Variants in PCDH15 observed in about 807,000 individuals in gnomAD.
PCDH15 encodes protocadherin-15.
A neutral mutation model predicts 178.5 loss-of-function variants in PCDH15; 129 were observed. That is an observed-to-expected ratio of 0.72 (90% CI 0.63 to 0.84). PCDH15 has a LOEUF of 0.84. Ranked by LOEUF, PCDH15 falls within the 40% of genes least tolerant of loss-of-function variation. The pLI is 0.00. For synonymous variants in PCDH15, 800 were observed against 732.0 expected (o/e 1.09, Z -1.50); for missense variants, 2,230 against 2,099.9 (o/e 1.06, Z -1.21).
At chr10:55,133,905 C>T (rs569983331) in intron 2 of PCDH15, among the ~76,000 whole-genome samples, 5 of 152,200 alleles carry the variant, frequency 3.3e-5, no homozygotes, top group East Asian at 1.9e-4. Flanking sequence ...CCTATCCAAC[C>T]GGCATCATTA....
chr10:54,692,420 C>T (rs2095138484), intron 1 of PCDH15, among the ~76,000 whole-genome samples: 1 of 152,122 alleles, frequency 6.6e-6, no homozygotes, highest in Admixed American at 6.6e-5. Flanking sequence ...TTATCTTTTA[C>T]CTAAACTTTA....
intron 3 of PCDH15, among the ~76,000 whole-genome samples, chr10:54,494,128 C>T (rs867596453): frequency 1.3e-5 from 2 of 151,508 alleles, no homozygotes; most frequent in African/African-American, 4.9e-5. Flanking sequence ...GGAGATATAC[C>T]TAATGCTAAA....
Position 53,806,291 on chromosome 10 carries a change from T to A in PCDH15, c.*288A>T. ...ATATAAATGATTATTTAGTAATTATTTCTTGTTTATTAAAATGAACAAAAA... is the reference window on the plus strand; with the variant it reads ...ATATAAATGATTATTTAGTAATTATATCTTGTTTATTAAAATGAACAAAAA... On this transcript the variant is annotated 3_prime_UTR_variant, in exon 38 of 38. Coordinates refer to ENST00000644397, the MANE Select transcript of PCDH15 (RefSeq NM_001384140.1). The A allele has an allele frequency of 3.6e-6, 1 of 278,836 alleles. No individual in the cohort carries two copies. 17.3% of individuals were successfully genotyped at this position (278,836 alleles called of 1,614,324 possible).
chr10:55,370,284 T>C (rs1204268403), intron 2 of PCDH15, among the ~76,000 whole-genome samples: 1 of 152,064 alleles, frequency 6.6e-6, no homozygotes, highest in Non-Finnish European at 1.5e-5. Flanking sequence ...ACAGCATGCA[T>C]TGAACCAACC....
At chr10:54,183,025 A>G (rs2048142886) in intron 13 of PCDH15, among the ~76,000 whole-genome samples, 1 of 151,444 alleles carries the variant, frequency 6.6e-6, no homozygotes, top group African/African-American at 2.4e-5. Context: ...CTTGTTGCCC[A>G]GGCTGGAGTG....
rs186285949 is a variant in PCDH15 at position 54,362,106 on chromosome 10, G to A, written c.474+7014C>T. ...ATTTCATGGAAAACACTTAGAATTT[G>A]CTTGGCACACAATGCAATTAATAAA... is the stretch of plus-strand genomic sequence containing the variant. On this transcript the variant is annotated intron_variant, in intron 5 of 37. Transcript: ENST00000644397. 3.6e-3 allele frequency among the ~76,000 whole-genome samples: 548 copies of A among 152,130 alleles called. 2 individuals carry two copies. The highest frequency in any genetic ancestry group is 5.7e-3 in the Non-Finnish European group (388 of 67,940).
intron 3 of PCDH15, among the ~76,000 whole-genome samples, chr10:54,862,501 T>A (rs1379851479): frequency 3.3e-5 from 5 of 152,150 alleles, no homozygotes; most frequent in Admixed American, 3.3e-4. Flanking sequence ...ACAGCTTATA[T>A]GCGGCTTGTC....
chr10:54,021,846 C>T (rs1246087715), intron 19 of PCDH15, among the ~76,000 whole-genome samples: 2 of 151,790 alleles, frequency 1.3e-5, no homozygotes, highest in East Asian at 1.9e-4. Flanking sequence ...TTTGCATCCC[C>T]TAGGACAGCA....
At position 55,110,255 on chromosome 10, in the gene PCDH15, T is replaced by C. The variant is rs138461361; in HGVS notation, c.-80+56321A>G. Among the ~76,000 whole-genome samples, 29 of 152,148 alleles carry C rather than the reference T, an allele frequency of 1.9e-4. No homozygotes were observed. In the East Asian group the frequency reaches 5.4e-3, roughly 28 times the overall value. On this transcript the variant is annotated intron_variant, in intron 2 of 5. Coordinates refer to the PCDH15 transcript ENST00000458638. ...GTAAGTTCATTATACTTTCTAAGGA[T>C]ACAGAAATCACAACAGGGGTTTGTG...
chr10:53,856,631 C>T (rs1482139846), intron 28 of PCDH15, among the ~76,000 whole-genome samples: 1 of 152,158 alleles, frequency 6.6e-6, no homozygotes, highest in Middle Eastern at 3.4e-3. Flanking sequence ...TATGATTTCT[C>T]ATATGCAGCA....
intron 9 of PCDH15, among the ~76,000 whole-genome samples, chr10:54,225,836 T>C (rs565861320): frequency 1.3e-5 from 2 of 152,328 alleles, no homozygotes; most frequent in African/African-American, 4.8e-5. Flanking sequence ...AATACAAAAG[T>C]AAACTTAGCT....
At chr10:54,972,848 CAAAAAAAAAA>C (rs750356955) in intron 2 of PCDH15, among the ~76,000 whole-genome samples, 5 of 53,510 alleles carry the variant, frequency 9.3e-5, no homozygotes, top group Non-Finnish European at 1.7e-4. Context: ...GACTCCATCT[CAAAAAAAAAA>C]AAAAAAAAAA....
chr10:55,188,161 T>C (rs191882379), intron 1 of PCDH15, among the ~76,000 whole-genome samples: 51 of 152,074 alleles, frequency 3.4e-4, no homozygotes, highest in African/African-American at 1.2e-3. Flanking sequence ...CTGTGTGGTG[T>C]TTTTCTAGGA....
chr10:54,638,846 C>T (rs957942556), intron 2 of PCDH15, among the ~76,000 whole-genome samples: 5 of 151,972 alleles, frequency 3.3e-5, no homozygotes, highest in East Asian at 1.9e-4. Context: ...CACGGAACAC[C>T]GCTCAGCTAT....
chr10:54,956,011 G>A (rs1381452863), intron 2 of PCDH15, among the ~76,000 whole-genome samples: 1 of 151,162 alleles, frequency 6.6e-6, no homozygotes, highest in Non-Finnish European at 1.5e-5. Flanking sequence ...GAAATTATTT[G>A]AACTTTATTA....
intron 28 of PCDH15, among the ~76,000 whole-genome samples, chr10:53,853,782 T>G (rs1445602965): frequency 2.6e-5 from 4 of 151,690 alleles, no homozygotes; most frequent in Non-Finnish European, 5.9e-5. Flanking sequence ...AAATAAAAAG[T>G]GTTGATAGGA....
chr10:55,521,783 A>T (rs771215469), intron 2 of PCDH15, among the ~76,000 whole-genome samples: 6 of 151,874 alleles, frequency 4.0e-5, no homozygotes, highest in Non-Finnish European at 8.8e-5. Flanking sequence ...GTAAGTCAAA[A>T]CTGCATTTAA....
At chr10:54,630,265 G>T (rs2093664953) in intron 2 of PCDH15, among the ~76,000 whole-genome samples, 1 of 152,032 alleles carries the variant, frequency 6.6e-6, no homozygotes, top group Non-Finnish European at 1.5e-5. Flanking sequence ...TTTTCAAATT[G>T]TATATAAGGC....
At chr10:53,866,084 T>C (rs2079430628) in intron 27 of PCDH15, among the ~76,000 whole-genome samples, 1 of 152,182 alleles carries the variant, frequency 6.6e-6, no homozygotes, top group African/African-American at 2.4e-5. Context: ...AGTGATATTA[T>C]TGACTATAGC....
Sources: gnomAD v4.1 joint callset for allele counts (sites outside exome capture counted in the v4.1 genomes callset) on GRCh38, gnomAD v4.1.1 for gene constraint, MANE v1.5 for transcripts, NCBI Gene and HGNC (gene_info 2026-07-23, HGNC 2026-07-21) for gene names.